GAS7: variants seen among roughly 807,000 people sequenced by gnomAD.
GAS7 encodes the protein growth arrest-specific protein 7.
A neutral mutation model predicts 71.1 loss-of-function variants in GAS7; 28 were observed. That is an observed-to-expected ratio of 0.39 (90% CI 0.29 to 0.54). The LOEUF (loss-of-function observed/expected upper bound fraction) is 0.54, where lower values mean the gene tolerates loss of function less well. Ranked by LOEUF, GAS7 falls within the 20% of genes least tolerant of loss-of-function variation. The pLI is 0.62. For synonymous variants in GAS7, 258 were observed against 245.8 expected, an observed-to-expected ratio of 1.05 and a Z score of -0.46; for missense variants, 436 against 627.8, an observed-to-expected ratio of 0.69 and a Z score of 3.27.
intron 1 of GAS7, among the ~76,000 whole-genome samples, chr17:10,118,731 T>C (rs1233184737): frequency 1.5e-5 from 2 of 135,176 alleles, no homozygotes; most frequent in Non-Finnish European, 3.2e-5. Flanking sequence ...AAAAAAGCCC[T>C]TGTGTATCTC....
intron 1 of GAS7, among the ~76,000 whole-genome samples, chr17:10,166,469 C>G (rs1377953599): frequency 6.6e-6 from 1 of 152,200 alleles, no homozygotes; most frequent in African/African-American, 2.4e-5. Context: ...CTCTAGTTTT[C>G]TTCCTTTAGC....
At chr17:10,126,361 CTCTT>C (rs201204440) in intron 1 of GAS7, among the ~76,000 whole-genome samples, 5 of 117,770 alleles carry the variant, frequency 4.2e-5, no homozygotes, top group East Asian at 6.1e-4. Context: ...CTCACACACA[CTCTT>C]GCACACACAC....
At chr17:10,175,202 C>G (rs2074364545) in intron 1 of GAS7, among the ~76,000 whole-genome samples, 1 of 139,652 alleles carries the variant, frequency 7.2e-6, no homozygotes, top group Non-Finnish European at 1.5e-5. Flanking sequence ...AACCCTTCAG[C>G]TAGGAATACA....
Position 10,173,767 on chromosome 17 carries a change from CAAAAAAAAAA to C in GAS7, c.183+24431_183+24440del, listed in dbSNP as rs547706852. On this transcript the variant is annotated intron_variant, in intron 1 of 13. Coordinates refer to ENST00000432992, the MANE Select transcript of GAS7 (RefSeq NM_201433.2). The stretch of plus-strand genomic sequence containing the variant: ...TGGGGGACAGAGCTAGACTCCGTCT[CAAAAAAAAAA>C]GAAAAAAAAAGAGACCCTCTCTCCT... Among the ~76,000 whole-genome samples, 444 of 127,620 alleles carry C rather than the reference CAAAAAAAAAA, an allele frequency of 3.5e-3. 4 individuals carry two copies. The highest frequency in any genetic ancestry group is 0.013 in the African/African-American group (428 of 34,088). 83.7% of individuals were successfully genotyped at this position (127,620 alleles called of 152,430 possible). A position where few individuals can be genotyped will look rare whatever the true frequency, so the allele number is the denominator to read the frequency against.
intron 1 of GAS7, among the ~76,000 whole-genome samples, chr17:10,146,906 G>A (rs545931325): frequency 2.0e-5 from 3 of 151,492 alleles, no homozygotes; most frequent in Admixed American, 6.6e-5. Flanking sequence ...GCATAAACCC[G>A]GGAGGCGGAG....
intron 1 of GAS7, among the ~76,000 whole-genome samples, chr17:10,109,422 T>G (rs969555266): frequency 5.9e-5 from 9 of 152,008 alleles, no homozygotes; most frequent in African/African-American, 1.9e-4. Context: ...ATAAAAAATA[T>G]CATTAAAAAG....
chr17:10,192,814 C>T (rs949031298), intron 1 of GAS7, among the ~76,000 whole-genome samples: 2 of 152,136 alleles, frequency 1.3e-5, no homozygotes, highest in Non-Finnish European at 2.9e-5. Context: ...CCAGGAGCTA[C>T]AAATACTGGC....
intron 2 of GAS7, among the ~76,000 whole-genome samples, chr17:10,003,888 C>G (rs1219431180): frequency 6.6e-6 from 1 of 152,188 alleles, no homozygotes; most frequent in Non-Finnish European, 1.5e-5. Flanking sequence ...TGAGTGCTAC[C>G]TACTTTGGAA....
intron 2 of GAS7, among the ~76,000 whole-genome samples, chr17:10,016,423 T>G (rs1425805427): frequency 7.5e-6 from 1 of 134,152 alleles, no homozygotes; most frequent in African/African-American, 2.8e-5. Context: ...AAGTAATGAA[T>G]AAAACTGGCA....
Position 9,995,559 on chromosome 17 carries a change from T to C in GAS7, c.305-13675A>G, listed in dbSNP as rs1484424832. On this transcript the variant is annotated intron_variant, in intron 2 of 13. Coordinates refer to ENST00000432992, the MANE Select transcript of GAS7 (RefSeq NM_201433.2). Reference sequence around the variant, plus strand: ...CAATAACAAAAAAAAAAAAAAAAGATACTCATTCTCATTCAAAATTGGAGA... The same window carrying C: ...CAATAACAAAAAAAAAAAAAAAAGACACTCATTCTCATTCAAAATTGGAGA... Among the ~76,000 whole-genome samples the C allele has an allele frequency of 2.7e-5, 4 of 149,468 alleles. No homozygotes were observed. The South Asian group carries it at 6.3e-4, about 24-fold the overall frequency.
chr17:10,167,333 G>A (rs1288450915), intron 1 of GAS7, among the ~76,000 whole-genome samples: 2 of 152,098 alleles, frequency 1.3e-5, no homozygotes, highest in East Asian at 3.9e-4. Context: ...TTACAGGCAT[G>A]AGCCACCACG....
At chr17:10,046,674 TG>T (rs2072963518) in intron 1 of GAS7, among the ~76,000 whole-genome samples, 1 of 147,156 alleles carries the variant, frequency 6.8e-6, no homozygotes, top group Admixed American at 6.7e-5. Context: ...AGTCGGAGGT[TG>T]CAGTGAGCCG....
intron 2 of GAS7, among the ~76,000 whole-genome samples, chr17:10,003,248 C>T (rs950996656): frequency 3.3e-5 from 5 of 152,106 alleles, no homozygotes; most frequent in Non-Finnish European, 5.9e-5. Context: ...CAGCAGAGAC[C>T]GCAGGTGTCT....
At chr17:10,181,930 G>A (rs978353763) in intron 1 of GAS7, among the ~76,000 whole-genome samples, 8 of 152,122 alleles carry the variant, frequency 5.3e-5, no homozygotes, top group African/African-American at 1.9e-4. Context: ...CATGCTAAAT[G>A]ACACTCCCAC....
At chr17:10,126,384 T>A (rs1361523175) in intron 1 of GAS7, among the ~76,000 whole-genome samples, 22 of 94,296 alleles carry the variant, frequency 2.3e-4, no homozygotes, top group Non-Finnish European at 3.7e-4. Flanking sequence ...ACCCACACAC[T>A]CACGCACATG....
chr17:10,087,189 C>G (rs1028818694), intron 1 of GAS7, among the ~76,000 whole-genome samples: 4 of 152,062 alleles, frequency 2.6e-5, no homozygotes, highest in African/African-American at 9.7e-5. Flanking sequence ...AGCCTGAGCT[C>G]GCCGGGAGAG....
At chr17:10,040,569 C>T (rs2072843930) in intron 1 of GAS7, among the ~76,000 whole-genome samples, 1 of 139,892 alleles carries the variant, frequency 7.1e-6, no homozygotes, top group Non-Finnish European at 1.6e-5. Flanking sequence ...GCTATAGAAT[C>T]CCCCCCACCT....
intron 1 of GAS7, among the ~76,000 whole-genome samples, chr17:10,137,186 G>A (rs937612145): frequency 2.6e-5 from 4 of 151,994 alleles, no homozygotes; most frequent in African/African-American, 4.8e-5. Flanking sequence ...CTCGAGCTTC[G>A]TGGGCATCAC....
Position 10,068,252 on chromosome 17 carries a change from T to TG in GAS7, c.184-48356_184-48355insC, listed in dbSNP as rs1298712345. Among the ~76,000 whole-genome samples the TG allele has an allele frequency of 1.7e-4, 26 of 152,286 alleles. No homozygotes were observed. The East Asian group carries it at 5.0e-3, about 29-fold the overall frequency. ...CATCAACTCCTTCAGGGCGCTTCCC[T>TG]AAGTTTGATCCTAGGAGAACTTCTG... On this transcript the variant is annotated intron_variant, in intron 1 of 13. Coordinates refer to ENST00000432992, the MANE Select transcript of GAS7 (RefSeq NM_201433.2).
Sources: allele counts gnomAD v4.1 joint callset (sites outside exome capture counted in the v4.1 genomes callset), GRCh38; gene constraint gnomAD v4.1.1; transcripts MANE v1.5; gene names NCBI Gene and HGNC (gene_info 2026-07-23, HGNC 2026-07-21).